The following RIN2 variants were observed in gnomAD, a reference collection of about 807,000 sequenced individuals.
RIN2 encodes RAB5 interacting protein 2.
In RIN2, 36 loss-of-function variants were observed where a neutral mutation model predicts 78.0. The ratio of observed to expected loss-of-function variants is 0.46; its 90% CI spans 0.35 to 0.61. The LOEUF (loss-of-function observed/expected upper bound fraction) is 0.61. Ranked by LOEUF, RIN2 falls within the 20% of genes least tolerant of loss-of-function variation. The pLI is 0.00. For synonymous variants in RIN2, 466 were observed against 466.8 expected (o/e 1.00, Z 0.02); for missense variants, 1,087 against 1,159.7 (o/e 0.94, Z 0.91).
chr20:19,921,261 C>T (rs1568611195), intron 3 of RIN2, among the ~76,000 whole-genome samples: 1 of 152,194 alleles, frequency 6.6e-6, no homozygotes, highest in African/African-American at 2.4e-5. Flanking sequence ...AAGAGAACCG[C>T]TGCCTCCTGG....
intron 3 of RIN2, among the ~76,000 whole-genome samples, chr20:19,923,982 C>T (rs536827385): frequency 1.3e-5 from 2 of 151,116 alleles, no homozygotes; most frequent in African/African-American, 4.9e-5. Flanking sequence ...ACCTCCACCT[C>T]TTCATACCCC....
chr20:19,948,848 G>T (rs1034081760), intron 4 of RIN2, among the ~76,000 whole-genome samples: 31 of 152,030 alleles, frequency 2.0e-4, no homozygotes, highest in African/African-American at 7.2e-4. Flanking sequence ...TGTTGCCCAG[G>T]CTCGAATGTA....
chr20:19,780,750 C>T (rs1362109045), intron 1 of RIN2, among the ~76,000 whole-genome samples: 3 of 152,206 alleles, frequency 2.0e-5, no homozygotes, highest in Admixed American at 2.0e-4. Flanking sequence ...ATTAACCTCT[C>T]TGGGCTTCAG....
chr20:19,770,768 C>CA (rs926901977), intron 1 of RIN2, among the ~76,000 whole-genome samples: 1 of 152,094 alleles, frequency 6.6e-6, no homozygotes, highest in African/African-American at 2.4e-5. Context: ...CTTCTGTGAC[C>CA]AAATGTGTGG....
chr20:19,953,251 C>A (rs2041398818), intron 4 of RIN2, among the ~76,000 whole-genome samples: 1 of 152,046 alleles, frequency 6.6e-6, no homozygotes, highest in Non-Finnish European at 1.5e-5. Context: ...GCTGCCTCAG[C>A]CTCCTGAGTA....
chr20:19,758,618 C>T (rs1252569588), intron 1 of RIN2, among the ~76,000 whole-genome samples: 1 of 152,138 alleles, frequency 6.6e-6, no homozygotes, highest in Non-Finnish European at 1.5e-5. Flanking sequence ...CCTCAGCTGA[C>T]CTGTGCGGGG....
chr20:19,956,272 AAAAAAGAAAAGAAAAAGAAAAAAAG>A (rs1056345666), intron 4 of RIN2, among the ~76,000 whole-genome samples: 1 of 151,626 alleles, frequency 6.6e-6, no homozygotes, highest in Non-Finnish European at 1.5e-5. Context: ...AAAAAAAAAA[AAAAAAGAAAAGAAAAAGAAAAAAAG>A]AAATGTTTTA....
intron 3 of RIN2, among the ~76,000 whole-genome samples, chr20:19,931,731 T>A (rs1487331086): frequency 2.0e-5 from 3 of 150,356 alleles, no homozygotes; most frequent in Admixed American, 2.0e-4. Context: ...TTTTTCTGCT[T>A]TCAAAAAAAG....
intron 9 of RIN2, among the ~76,000 whole-genome samples, chr20:19,984,978 G>C (rs535052628): frequency 2.4e-4 from 37 of 152,282 alleles, no homozygotes; most frequent in Middle Eastern, 3.4e-3. Flanking sequence ...TGCCTTCTGT[G>C]GACAATGATT....
intron 2 of RIN2, among the ~76,000 whole-genome samples, chr20:19,847,762 G>A (rs913446568): frequency 2.0e-5 from 3 of 152,160 alleles, no homozygotes. Flanking sequence ...AATTTTACCT[G>A]TCTAATCTTA....
At chr20:19,951,570 T>C (rs1340863448) in intron 4 of RIN2, among the ~76,000 whole-genome samples, 1 of 152,226 alleles carries the variant, frequency 6.6e-6, no homozygotes, top group Non-Finnish European at 1.5e-5. Context: ...TTTTCACAAG[T>C]CATTAAGTGA....
At chr20:19,914,469 T>A (rs2039602599) in intron 3 of RIN2, among the ~76,000 whole-genome samples, 1 of 152,146 alleles carries the variant, frequency 6.6e-6, no homozygotes, top group Admixed American at 6.6e-5. Context: ...ATCAAAAAAA[T>A]TTGCATTAAA....
intron 2 of RIN2, among the ~76,000 whole-genome samples, chr20:19,810,244 CAAA>C (rs58768278): frequency 8.7e-5 from 7 of 80,632 alleles, no homozygotes; most frequent in Admixed American, 2.8e-4. Context: ...ATTAATAATA[CAAA>C]AAAAAAAAAA....
chr20:19,806,678 C>T (rs947396540), intron 2 of RIN2, among the ~76,000 whole-genome samples: 1 of 152,146 alleles, frequency 6.6e-6, no homozygotes, highest in East Asian at 1.9e-4. Context: ...GGGATGATTG[C>T]CTGAGCACAG....
intron 2 of RIN2, among the ~76,000 whole-genome samples, chr20:19,802,012 A>G (rs1033373703): frequency 6.6e-6 from 1 of 152,188 alleles, no homozygotes; most frequent in African/African-American, 2.4e-5. Flanking sequence ...CTGCCACAGG[A>G]CTCTGAGATA....
chr20:19,926,835 C>T (rs1009995238), intron 3 of RIN2, among the ~76,000 whole-genome samples: 3 of 152,204 alleles, frequency 2.0e-5, no homozygotes, highest in African/African-American at 4.8e-5. Context: ...ATTTGAAGAG[C>T]GCTGTATCAG....
At chr20:19,796,180 C>A (rs181729748) in intron 1 of RIN2, among the ~76,000 whole-genome samples, 77 of 152,242 alleles carry the variant, frequency 5.1e-4, no homozygotes, top group Admixed American at 1.6e-3. Flanking sequence ...GGAGTTTGAC[C>A]TTTTCTGTTT....
At chr20:19,810,986 C>CCG (rs2035581052) in intron 2 of RIN2, among the ~76,000 whole-genome samples, 1 of 151,498 alleles carries the variant, frequency 6.6e-6, no homozygotes, top group African/African-American at 2.4e-5. Flanking sequence ...GCTGGGATTA[C>CCG]AGGCGTGAAC....
intron 4 of RIN2, among the ~76,000 whole-genome samples, chr20:19,952,260 G>A (rs1160056073): frequency 6.6e-6 from 1 of 152,158 alleles, no homozygotes; most frequent in Admixed American, 6.5e-5. Flanking sequence ...GTAGCTTCCT[G>A]GGCATTTCCA....
Sources: gnomAD v4.1 joint callset for allele counts (sites outside exome capture counted in the v4.1 genomes callset) on GRCh38, gnomAD v4.1.1 for gene constraint, MANE v1.5 for transcripts, NCBI Gene and HGNC (gene_info 2026-07-23, HGNC 2026-07-21) for gene names.